The following DNAH10 variants were observed in gnomAD, a reference collection of about 807,000 sequenced individuals.
DNAH10 encodes the protein axonemal beta dynein heavy chain 10.
DNAH10 carries 348 observed loss-of-function variants against 506.6 expected under a neutral mutation model. The observed-to-expected ratio is 0.69, with a 90% CI of 0.63 to 0.75. The LOEUF (loss-of-function observed/expected upper bound fraction) is 0.75. DNAH10 is among the 30% of genes least tolerant of loss of function. The pLI is 0.00. For synonymous variants in DNAH10, 2,059 were observed against 2,198.6 expected, an observed-to-expected ratio of 0.94 and a Z score of 1.78; for missense variants, 5,179 against 5,787.1, an observed-to-expected ratio of 0.89 and a Z score of 3.41.
intron 28 of DNAH10, among the ~76,000 whole-genome samples, chr12:123,837,628 G>A (rs1271706183): frequency 6.7e-6 from 1 of 149,980 alleles, no homozygotes; most frequent in Admixed American, 6.6e-5. Flanking sequence ...CCAAGCTGGA[G>A]TGCAGTGGTG....
At chr12:123,874,606 C>CCCATCTAT (rs1952173607) in intron 46 of DNAH10, among the ~76,000 whole-genome samples, 1 of 148,064 alleles carries the variant, frequency 6.8e-6, no homozygotes, top group Non-Finnish European at 1.5e-5. Context: ...CATCCATCTA[C>CCCATCTAT]CCATCCATCC....
intron 77 of DNAH10, chr12:123,934,368 G>T (rs1214498925): frequency 1.5e-6 from 1 of 658,222 alleles, no homozygotes; most frequent in African/African-American, 1.8e-5. Context: ...GATTCCTGGG[G>T]GAGAGGCCAC....
At chr12:123,823,582 C>T (rs1959649991) in intron 24 of DNAH10, among the ~76,000 whole-genome samples, 2 of 152,212 alleles carry the variant, frequency 1.3e-5, no homozygotes, top group Admixed American at 6.5e-5. Context: ...GAACTGAGAA[C>T]AACCACACAC....
At chr12:123,898,418 A>G (rs1321062672) in intron 55 of DNAH10, among the ~76,000 whole-genome samples, 1 of 152,222 alleles carries the variant, frequency 6.6e-6, no homozygotes, top group Non-Finnish European at 1.5e-5. Context: ...GCACTGCCGG[A>G]CAGGGCTTTT....
At chr12:123,893,786 G>A (rs143331648) in intron 53 of DNAH10, among the ~76,000 whole-genome samples, 2,024 of 152,268 alleles carry the variant, frequency 0.013, 46 homozygotes, top group African/African-American at 0.047. Context: ...GGGAGGTTGT[G>A]TTCTAGGGGA....
intron 43 of DNAH10, among the ~76,000 whole-genome samples, chr12:123,868,525 A>G (rs896172418): frequency 1.1e-4 from 16 of 152,212 alleles, no homozygotes; most frequent in Non-Finnish European, 1.9e-4. Flanking sequence ...ATTCCTGAGT[A>G]TTTGCACAGT....
intron 29 of DNAH10, 128 bp downstream of exon 29, chr12:123,838,817 T>C: frequency 1.1e-6 from 1 of 870,718 alleles, no homozygotes; most frequent in Non-Finnish European, 1.7e-6. Context: ...AGTTGGTTTT[T>C]TGGTTTGTTT....
intron 39 of DNAH10, 84 bp downstream of exon 39, chr12:123,861,254 T>TGCTTCATGTCCTGCCACCGTTTTTAA (rs1951600339): frequency 6.7e-7 from 1 of 1,481,490 alleles, no homozygotes; most frequent in Non-Finnish European, 9.1e-7. Flanking sequence ...GGACTATACA[T>TGCTTCATGTCCTGCCACCGTTTTTAA]TGTAGCTTCA....
At chr12:123,845,512 G>C (rs1950913334) in intron 30 of DNAH10, 88 bp from the exon 31 acceptor site, 1 of 1,525,186 alleles carries the variant, frequency 6.6e-7, no homozygotes, top group Middle Eastern at 1.7e-4. Context: ...CCCTATTCCA[G>C]ATCAAAGAAA....
intron 52 of DNAH10, among the ~76,000 whole-genome samples, chr12:123,892,698 G>A (rs912787504): frequency 7.2e-5 from 11 of 152,228 alleles, no homozygotes; most frequent in African/African-American, 1.9e-4. Flanking sequence ...TTGAAACGGC[G>A]TAGATATAGG....
chr12:123,926,250 AAAAAAG>A lies in DNAH10; in HGVS notation c.11922-375_11922-370del, dbSNP rs1256003951. 1.3e-5 allele frequency among the ~76,000 whole-genome samples: 2 copies of A among 151,390 alleles called. No individual in the cohort carries two copies. Among genetic ancestry groups the A allele is most frequent in the Non-Finnish European group, 2.9e-5 (2 of 67,848 alleles). ...TATATTTCAATTTAAAAAAAAAAAAAAAAAAGAAAAAGAAAAAACCCACACACAAAA... is the reference window on the plus strand; with the variant it reads ...TATATTTCAATTTAAAAAAAAAAAAAAAAAAGAAAAAACCCACACACAAAA... On this transcript the variant is annotated intron_variant, in intron 68 of 78. Coordinates refer to ENST00000673944, the MANE Select transcript of DNAH10 (RefSeq NM_001372106.1). The surrounding 1 kb of genome is among the most constrained non-coding windows in gnomAD (Gnocchi z 4.1).
At position 123,799,433 on chromosome 12, in the gene DNAH10, C is replaced by T. The variant is rs998782801; in HGVS notation, c.2289+62C>T. On this transcript the variant is annotated intron_variant, in intron 14 of 78. Transcript: ENST00000673944. ...GAGACGATGGCGTCTGCCACATTTT[C>T]TCAAGGCTTGATTTGTTGACATTCA... is the stretch of plus-strand genomic sequence containing the variant. 34 of 1,552,846 alleles carry T rather than the reference C, an allele frequency of 2.2e-5. No individual in the cohort carries two copies. The African/African-American group carries it at 4.5e-4, about 20-fold the overall frequency.
intron 24 of DNAH10, among the ~76,000 whole-genome samples, chr12:123,821,524 T>C (rs907269709): frequency 7.2e-5 from 11 of 152,084 alleles, no homozygotes; most frequent in Non-Finnish European, 1.5e-4. Context: ...GTAGAGGCAA[T>C]GTCTCACTGT....
chr12:123,859,298 G>T, intron 38 of DNAH10, 30 bp downstream of exon 38: 1 of 1,509,556 alleles, frequency 6.6e-7, no homozygotes, highest in Non-Finnish European at 8.9e-7. Flanking sequence ...GGAGGGCCTG[G>T]CTGCCACAGG....
intron 6 of DNAH10, 22 bp downstream of exon 6, chr12:123,781,321 T>C (rs1231423389): frequency 6.3e-7 from 1 of 1,595,536 alleles, no homozygotes; most frequent in African/African-American, 1.3e-5. Flanking sequence ...TTTTCCTCCT[T>C]TTTAGTTAAG....
chr12:123,836,986 G>A (rs919964865), intron 28 of DNAH10, among the ~76,000 whole-genome samples: 3 of 151,624 alleles, frequency 2.0e-5, no homozygotes, highest in East Asian at 2.0e-4. Flanking sequence ...CGAGTAGCTG[G>A]GACTACAGGT....
Position 123,931,374 on chromosome 12 carries a change from C to T in DNAH10, c.12818C>T (p.Pro4273Leu). The T allele has an allele frequency of 3.7e-6, 6 of 1,613,958 alleles. No individual in the cohort carries two copies. Among genetic ancestry groups the T allele is most frequent in the Non-Finnish European group, 5.1e-6 (6 of 1,179,906 alleles). ...AIEALPLANTPEVFGLHPNAE... is the reference protein window; with the variant it reads ...AIEALPLANTLEVFGLHPNAE... ...GAGGCCCTCCCGCTTGCCAACACGC[C>T]AGAAGTGTTTGGTCTCCACCCCAAC... The change falls in exon 74 of 79, where the codon CCA becomes CTA. Residue 4273 changes from proline to leucine, a missense_variant. Physicochemically the swap from Pro to Leu is moderately conservative, Grantham distance 98. This residue lies in a region of DNAH10 where 4,844 missense variants were observed against 5,430.5 expected (regional missense o/e 0.89). Transcript: ENST00000673944.
chr12:123,774,950 T>G (rs1182793857), intron 5 of DNAH10, among the ~76,000 whole-genome samples: 2 of 152,108 alleles, frequency 1.3e-5, no homozygotes, highest in African/African-American at 4.8e-5. Flanking sequence ...CAGGAGCTTA[T>G]GTAGGGGAAA....
At chr12:123,845,400 C>T (rs968532231) in intron 30 of DNAH10, among the ~76,000 whole-genome samples, 200 bp from the exon 31 acceptor site, 5 of 152,184 alleles carry the variant, frequency 3.3e-5, no homozygotes, top group African/African-American at 4.8e-5. Flanking sequence ...ACTACCTAGT[C>T]GGAGATAGGT....
Sources: allele counts gnomAD v4.1 joint callset (sites outside exome capture counted in the v4.1 genomes callset), GRCh38; gene constraint gnomAD v4.1.1; regional missense constraint gnomAD v4.1.1; non-coding constraint Gnocchi (gnomAD v3.1); transcripts MANE v1.5; gene names NCBI Gene and HGNC (gene_info 2026-07-23, HGNC 2026-07-21).